The following TLL2 variants were observed in gnomAD, a reference collection of about 807,000 sequenced individuals.
The protein encoded by TLL2 is tolloid-like protein 2.
In TLL2, 106 loss-of-function variants were observed where a neutral mutation model predicts 123.0. The observed-to-expected ratio is 0.86, with a 90% CI of 0.74 to 1.01. TLL2 has a LOEUF of 1.01. Ranked by LOEUF, TLL2 falls within the 50% of genes least tolerant of loss-of-function variation. The pLI is 0.00. For synonymous variants in TLL2, 494 were observed against 516.8 expected (o/e 0.96, Z 0.60); for missense variants, 1,332 against 1,336.7 (o/e 1.00, Z 0.06).
intron 10 of TLL2, 50 bp downstream of exon 10, chr10:96,405,182 C>A (rs779622480): frequency 6.4e-7 from 1 of 1,552,202 alleles, no homozygotes. Context: ...AACAGCATCC[C>A]GGGGAACATC....
At chr10:96,489,761 A>G (rs1847392934) in intron 1 of TLL2, among the ~76,000 whole-genome samples, 1 of 152,230 alleles carries the variant, frequency 6.6e-6, no homozygotes, top group South Asian at 2.1e-4. Flanking sequence ...AAACAACTAT[A>G]TGTTACTTAT....
intron 1 of TLL2, among the ~76,000 whole-genome samples, chr10:96,500,496 T>C (rs1046165742): frequency 6.6e-6 from 1 of 152,168 alleles, no homozygotes; most frequent in Non-Finnish European, 1.5e-5. Context: ...CCAGCATCAT[T>C]GTTTATAAAA....
chr10:96,490,811 T>C (rs911816618), intron 1 of TLL2, among the ~76,000 whole-genome samples: 3 of 152,216 alleles, frequency 2.0e-5, no homozygotes, highest in African/African-American at 7.2e-5. Context: ...CAACATTATC[T>C]TGGAGCTCAA....
intron 14 of TLL2, among the ~76,000 whole-genome samples, 181 bp from the exon 15 acceptor site, chr10:96,386,396 C>T (rs1179339264): frequency 1.3e-5 from 2 of 152,196 alleles, no homozygotes; most frequent in Admixed American, 1.3e-4. Flanking sequence ...TTTGAAGGAA[C>T]AAAATTGGGG....
At chr10:96,428,441 T>G (rs1846700299) in intron 5 of TLL2, among the ~76,000 whole-genome samples, 190 bp downstream of exon 5, 1 of 152,200 alleles carries the variant, frequency 6.6e-6, no homozygotes, top group Non-Finnish European at 1.5e-5. Flanking sequence ...TGGAGTCTCC[T>G]GGAATCTTCC....
intron 7 of TLL2, among the ~76,000 whole-genome samples, chr10:96,418,024 TC>T (rs1361746794): frequency 6.6e-6 from 1 of 152,194 alleles, no homozygotes; most frequent in Non-Finnish European, 1.5e-5. Flanking sequence ...TAGCTGCCCA[TC>T]CTCCTGTGTG....
At position 96,376,741 on chromosome 10, in the gene TLL2, C is replaced by G; in HGVS notation, c.2399G>C (p.Arg800Thr). Reference sequence around the variant, plus strand: ...CGAAGAGATGTTCCAGGTACACTCCCTCCGGCTGGGGTATTTGTCAGGCCA... The same window carrying G: ...CGAAGAGATGTTCCAGGTACACTCCGTCCGGCTGGGGTATTTGTCAGGCCA... ...PNWPDKYPSR[R>T]ECTWNISSTA... The change falls in exon 18 of 21, where the codon AGG (arginine) becomes ACG (threonine). Residue 800 changes from arginine to threonine, a missense_variant. Coordinates refer to ENST00000357947, the MANE Select transcript of TLL2 (RefSeq NM_012465.4). 6.2e-7 allele frequency: 1 copy of G among 1,607,238 alleles called. No individual in the cohort carries two copies. Among genetic ancestry groups the G allele is most frequent in the African/African-American group, 1.3e-5 (1 of 74,510 alleles).
chr10:96,458,881 G>A (rs1415379290), intron 2 of TLL2, among the ~76,000 whole-genome samples: 1 of 151,884 alleles, frequency 6.6e-6, no homozygotes, highest in Non-Finnish European at 1.5e-5. Context: ...GATTACTTGA[G>A]GCCAAGAGTT....
chr10:96,387,238 C>G (rs1846245006), intron 13 of TLL2, among the ~76,000 whole-genome samples, 160 bp from the exon 14 acceptor site: 1 of 152,216 alleles, frequency 6.6e-6, no homozygotes, highest in African/African-American at 2.4e-5. Flanking sequence ...CTCTGAAAAC[C>G]AGGCAGCAGC....
chr10:96,420,338 T>A (rs1277728935), intron 7 of TLL2, among the ~76,000 whole-genome samples: 1 of 152,156 alleles, frequency 6.6e-6, no homozygotes, highest in African/African-American at 2.4e-5. Flanking sequence ...GCGCAGCACA[T>A]CAGAACAGCT....
intron 2 of TLL2, among the ~76,000 whole-genome samples, chr10:96,460,338 T>C (rs1201460465): frequency 2.0e-5 from 3 of 152,206 alleles, no homozygotes; most frequent in Non-Finnish European, 4.4e-5. Flanking sequence ...CCCCTCAAAA[T>C]TCATATGTTG....
rs202034413 is a variant in TLL2 at position 96,370,306 on chromosome 10, C to T, written c.2672G>A (p.Gly891Asp). ...FQAVHSTECG[G>D]RLKAEVQTKE... ...GGTCTGCACTTCAGCCTTCAGCCTG[C>T]CCCCGCACTCTGGAGCAGAGAGAAG... Residue 891 changes from glycine to aspartate, a missense_variant, in exon 20 of 21, where the codon GGC becomes GAC. Gly to Asp is a moderately conservative substitution (Grantham distance 94). Transcript: ENST00000357947. 8 of 1,576,292 alleles carry T rather than the reference C, an allele frequency of 5.1e-6. No homozygotes were observed. Among genetic ancestry groups the T allele is most frequent in the African/African-American group, 1.3e-5 (1 of 74,174 alleles).
rs375650833 is a variant in TLL2 at position 96,425,914 on chromosome 10, C to G, written c.638+2717G>C. Reference sequence around the variant, plus strand: ...TTGTGGTAACCCTAAACATCTTAAACTTGTTCATGATTTTAACTAAAATTA... The same window carrying G: ...TTGTGGTAACCCTAAACATCTTAAAGTTGTTCATGATTTTAACTAAAATTA... On this transcript the variant is annotated intron_variant, in intron 5 of 20. Transcript: ENST00000357947. Among the ~76,000 whole-genome samples the G allele has an allele frequency of 3.3e-5, 5 of 152,064 alleles. No homozygotes were observed. The South Asian group carries it at 1.0e-3, about 32-fold the overall frequency.
intron 10 of TLL2, among the ~76,000 whole-genome samples, chr10:96,397,577 C>A (rs551631483): frequency 6.6e-6 from 1 of 152,280 alleles, no homozygotes; most frequent in East Asian, 1.9e-4. Flanking sequence ...CTCTCCCCTG[C>A]CGAGGGGTGT....
chr10:96,473,300 C>G (rs1449283864), intron 2 of TLL2, among the ~76,000 whole-genome samples: 3 of 151,976 alleles, frequency 2.0e-5, no homozygotes, highest in Non-Finnish European at 2.9e-5. Flanking sequence ...ACTAAAAGTA[C>G]AAAAATTAGC....
chr10:96,418,805 A>G (rs986452271), intron 7 of TLL2, among the ~76,000 whole-genome samples: 1 of 148,260 alleles, frequency 6.7e-6, no homozygotes, highest in Non-Finnish European at 1.5e-5. Context: ...TTGAATATAT[A>G]AATTATATGA....
At chr10:96,476,240 A>ATATATATATATATTCTTTTTTTT in intron 2 of TLL2, among the ~76,000 whole-genome samples, 1 of 20,502 alleles carries the variant, frequency 4.9e-5, no homozygotes, top group African/African-American at 1.7e-4. Flanking sequence ...ATATATATAT[A>ATATATATATATATTCTTTTTTTT]TTTTATTTTT....
rs1283667367 is a variant in TLL2 at position 96,364,651 on chromosome 10, CAT to C, written c.*3435_*3436del. The C allele has an allele frequency of 6.6e-6, 1 of 152,616 alleles. No individual in the cohort carries two copies. Among genetic ancestry groups the C allele is most frequent in the African/African-American group, 2.4e-5 (1 of 41,432 alleles). 9.5% of individuals were successfully genotyped at this position (152,616 alleles called of 1,614,324 possible). A position where few individuals can be genotyped will look rare whatever the true frequency, so the allele number is the denominator to read the frequency against. ...TGAAACCATCCGTTCTAGGTAGAGA[CAT>C]ATGTTAGGTCCTCTCCACTTTCTCT... On this transcript the variant is annotated 3_prime_UTR_variant, in exon 21 of 21. Transcript: ENST00000357947.
At position 96,386,165 on chromosome 10, in the gene TLL2, C is replaced by A. The variant is rs773694115; in HGVS notation, c.1903G>T (p.Gly635Trp). 1.9e-6 allele frequency: 3 copies of A among 1,611,980 alleles called. No homozygotes were observed. In the South Asian group the frequency reaches 3.3e-5, roughly 18 times the overall value. Residue 635 changes from glycine (G) to tryptophan (W), a missense_variant, in exon 15 of 21, where the codon GGG becomes TGG. Coordinates refer to ENST00000357947, the MANE Select transcript of TLL2 (RefSeq NM_012465.4). ...TTTGTGGGATACTCCTTCGGCCACCCAGGGCTGGTGATGGTTCCATTCAGC... is the reference window on the plus strand; with the variant it reads ...TTTGTGGGATACTCCTTCGGCCACCAAGGGCTGGTGATGGTTCCATTCAGC... ...TKLNGTITSP[G>W]WPKEYPTNKN...
Sources: allele counts gnomAD v4.1 joint callset (sites outside exome capture counted in the v4.1 genomes callset), GRCh38; gene constraint gnomAD v4.1.1; transcripts MANE v1.5; gene names NCBI Gene and HGNC (gene_info 2026-07-23, HGNC 2026-07-21).